The following FHIT variants were observed in gnomAD, a reference collection of about 807,000 sequenced individuals.
FHIT encodes the protein fragile histidine triad diadenosine triphosphatase.
Under a neutral mutation model 17.9 loss-of-function variants are expected in FHIT, and 19 were observed. The ratio of observed to expected loss-of-function variants is 1.06; its 90% CI spans 0.74 to 1.56. The LOEUF is 1.56. Ranked by LOEUF, FHIT falls within the 40% of genes most tolerant of loss-of-function variation. The pLI, the probability that FHIT is intolerant of heterozygous loss-of-function variation, is 0.00. For missense variants in FHIT, 248 were observed against 189.2 expected, an observed-to-expected ratio of 1.31 and a Z score of -1.82; for synonymous variants, 81 against 69.7, an observed-to-expected ratio of 1.16 and a Z score of -0.81.
At position 61,032,662 on chromosome 3, in the gene FHIT, C is replaced by G. The variant is rs183475281; in HGVS notation, c.-111+9385G>C. Among the ~76,000 whole-genome samples the G allele has an allele frequency of 3.9e-5, 6 of 152,342 alleles. No homozygotes were observed. In the East Asian group the frequency reaches 1.2e-3, roughly 29 times the overall value. ...TCAGCTTTGGGGAAAAGAAGATCCT[C>G]TCTGTTGCAAACAGAGCTAAAAGGA... is the stretch of plus-strand genomic sequence containing the variant. On this transcript the variant is annotated intron_variant, in intron 3 of 9. Coordinates refer to ENST00000492590, the MANE Select transcript of FHIT (RefSeq NM_002012.4).
chr3:59,990,705 G>A (rs1709188381), intron 7 of FHIT, among the ~76,000 whole-genome samples: 1 of 152,030 alleles, frequency 6.6e-6, no homozygotes, highest in Non-Finnish European at 1.5e-5. Flanking sequence ...CTAGGTTGGT[G>A]TGATGTGGCT....
intron 7 of FHIT, among the ~76,000 whole-genome samples, chr3:59,964,501 C>A (rs1264987605): frequency 6.6e-6 from 1 of 152,050 alleles, no homozygotes; most frequent in Non-Finnish European, 1.5e-5. Flanking sequence ...GGGGTTTATA[C>A]TTTACCTAGA....
intron 8 of FHIT, among the ~76,000 whole-genome samples, chr3:59,836,513 T>A (rs1701345506): frequency 6.6e-6 from 1 of 152,162 alleles, no homozygotes; most frequent in African/African-American, 2.4e-5. Flanking sequence ...AAGGCTGACC[T>A]CTGCACATGC....
At chr3:60,238,945 AT>A (rs896090993) in intron 5 of FHIT, among the ~76,000 whole-genome samples, 3 of 152,310 alleles carry the variant, frequency 2.0e-5, no homozygotes, top group African/African-American at 7.2e-5. Context: ...AATTAAAATC[AT>A]TTTCTAAAAC....
chr3:60,706,187 G>C (rs1358677909), intron 4 of FHIT, among the ~76,000 whole-genome samples: 4 of 127,902 alleles, frequency 3.1e-5, no homozygotes, highest in Non-Finnish European at 6.2e-5. Flanking sequence ...AGTGGGAATT[G>C]AACAATGAGA....
At chr3:60,869,869 G>A (rs963836005) in intron 3 of FHIT, among the ~76,000 whole-genome samples, 12 of 152,058 alleles carry the variant, frequency 7.9e-5, no homozygotes, top group African/African-American at 2.2e-4. Flanking sequence ...TGACACCAAC[G>A]AAGAGGAATG....
At chr3:60,520,985 C>T (rs1183486730) in intron 5 of FHIT, among the ~76,000 whole-genome samples, 3 of 152,026 alleles carry the variant, frequency 2.0e-5, no homozygotes, top group African/African-American at 7.2e-5. Context: ...GAAAAAGGCT[C>T]ATATCAAATG....
chr3:60,483,564 C>A (rs1256375865), intron 5 of FHIT, among the ~76,000 whole-genome samples: 3 of 152,064 alleles, frequency 2.0e-5, no homozygotes, highest in African/African-American at 7.2e-5. Context: ...ATAAACAGAA[C>A]CAAAGACAAA....
chr3:59,862,693 T>C (rs891878227), intron 8 of FHIT, among the ~76,000 whole-genome samples: 1 of 152,154 alleles, frequency 6.6e-6, no homozygotes, highest in Non-Finnish European at 1.5e-5. Flanking sequence ...TAGAAGGTAA[T>C]TGCAGAAATC....
intron 5 of FHIT, among the ~76,000 whole-genome samples, chr3:60,169,043 G>A (rs565779621): frequency 2.6e-5 from 4 of 152,270 alleles, no homozygotes; most frequent in South Asian, 2.1e-4. Context: ...GTAAAAGTAC[G>A]TGGATGACCT....
chr3:60,512,346 A>C (rs1047415722), intron 5 of FHIT, among the ~76,000 whole-genome samples: 2 of 152,150 alleles, frequency 1.3e-5, no homozygotes, highest in African/African-American at 4.8e-5. Flanking sequence ...ATACATCTCT[A>C]AGTGCCAATT....
intron 4 of FHIT, among the ~76,000 whole-genome samples, chr3:60,699,960 C>G (rs1365963303): frequency 6.6e-6 from 1 of 151,682 alleles, no homozygotes; most frequent in African/African-American, 2.4e-5. Flanking sequence ...GCCTGGCCAA[C>G]CTGGTGAAAA....
intron 8 of FHIT, among the ~76,000 whole-genome samples, chr3:59,869,347 C>T (rs1702805444): frequency 6.6e-6 from 1 of 152,030 alleles, no homozygotes; most frequent in African/African-American, 2.4e-5. Context: ...TAACCATTAC[C>T]TTTTCAGTAG....
chr3:60,960,225 C>A (rs1395906666), intron 3 of FHIT, among the ~76,000 whole-genome samples: 1 of 152,156 alleles, frequency 6.6e-6, no homozygotes, highest in Non-Finnish European at 1.5e-5. Flanking sequence ...CCAACGTCAG[C>A]AGGAACTAAG....
At chr3:60,373,236 A>G (rs920149178) in intron 5 of FHIT, among the ~76,000 whole-genome samples, 1 of 152,180 alleles carries the variant, frequency 6.6e-6, no homozygotes, top group Non-Finnish European at 1.5e-5. Flanking sequence ...GATAGGGCTG[A>G]TACAGCCCAG....
rs189049150 is a variant in FHIT at position 60,494,820 on chromosome 3, T to C, written c.103+42040A>G. Among the ~76,000 whole-genome samples the C allele has an allele frequency of 2.3e-4, 35 of 152,322 alleles. No individual in the cohort carries two copies. The East Asian group carries it at 6.4e-3, about 28-fold the overall frequency. The stretch of plus-strand genomic sequence containing the variant: ...AATGACATGATCTCATTCTTTTTTG[T>C]GGATAAATAGTACTCCATTGTGATT... On this transcript the variant is annotated intron_variant, in intron 5 of 9. Transcript: ENST00000492590.
intron 4 of FHIT, among the ~76,000 whole-genome samples, chr3:60,592,203 A>G (rs1213615738): frequency 3.4e-5 from 5 of 147,274 alleles, no homozygotes; most frequent in Non-Finnish European, 6.0e-5. Context: ...TATATTCTCT[A>G]TATGTAACCT....
chr3:60,121,996 T>A (rs1032539690), intron 5 of FHIT, among the ~76,000 whole-genome samples: 18 of 152,150 alleles, frequency 1.2e-4, no homozygotes, highest in African/African-American at 4.3e-4. Context: ...TATAATCTGC[T>A]TTCCTAAGTA....
At chr3:60,351,047 C>A in intron 5 of FHIT, among the ~76,000 whole-genome samples, 1 of 151,908 alleles carries the variant, frequency 6.6e-6, no homozygotes, top group Admixed American at 6.6e-5. Context: ...ACAGCCCCAG[C>A]CAAAAGCTAT....
Sources: gnomAD v4.1 joint callset for allele counts (sites outside exome capture counted in the v4.1 genomes callset) on GRCh38, gnomAD v4.1.1 for gene constraint, MANE v1.5 for transcripts, NCBI Gene and HGNC (gene_info 2026-07-23, HGNC 2026-07-21) for gene names.